The following FMNL2 variants were observed in gnomAD, a reference collection of about 807,000 sequenced individuals.
FMNL2 encodes formin like 2.
FMNL2 carries 51 observed loss-of-function variants against 130.2 expected under a neutral mutation model. That is an observed-to-expected ratio of 0.39 (90% CI 0.31 to 0.49). The LOEUF (loss-of-function observed/expected upper bound fraction) is 0.49, where lower values mean the gene tolerates loss of function less well. Among genes scored for constraint, FMNL2 ranks in the 20% least tolerant of loss-of-function variants. The pLI, the probability that FMNL2 is intolerant of heterozygous loss-of-function variation, is 0.85. For synonymous variants in FMNL2, 465 were observed against 467.1 expected (o/e 1.00, Z 0.06); for missense variants, 977 against 1,316.2 (o/e 0.74, Z 3.99).
intron 1 of FMNL2, among the ~76,000 whole-genome samples, chr2:152,371,330 T>C (rs1683860679): frequency 6.6e-6 from 1 of 151,704 alleles, no homozygotes. Flanking sequence ...TCTCTAATGT[T>C]GTCAGTGCTA....
intron 12 of FMNL2, 53 bp from the exon 13 acceptor site, chr2:152,617,038 G>A (rs75766511): frequency 1.3e-6 from 2 of 1,507,646 alleles, no homozygotes; most frequent in South Asian, 1.1e-5. Flanking sequence ...GAGAACTGAG[G>A]GCTGATCAAG....
intron 9 of FMNL2, among the ~76,000 whole-genome samples, chr2:152,605,121 C>G (rs1388195047): frequency 6.6e-6 from 1 of 151,712 alleles, no homozygotes; most frequent in African/African-American, 2.4e-5. Flanking sequence ...TCTAGGGGGG[C>G]CAGCTGAGGA....
intron 1 of FMNL2, among the ~76,000 whole-genome samples, chr2:152,346,242 C>G (rs1682116032): frequency 6.6e-6 from 1 of 152,112 alleles, no homozygotes; most frequent in African/African-American, 2.4e-5. Flanking sequence ...CCAAGCTGCT[C>G]TTGAACTCCC....
At chr2:152,521,472 T>C (rs13427485) in intron 1 of FMNL2, among the ~76,000 whole-genome samples, 88,137 of 151,474 alleles carry the variant, frequency 0.58, 25,861 homozygotes, top group Non-Finnish European at 0.63. Context: ...ATAGTTGCAT[T>C]GTTGTCTTTT....
chr2:152,469,123 TC>T (rs1689719393), intron 1 of FMNL2, among the ~76,000 whole-genome samples: 1 of 152,228 alleles, frequency 6.6e-6, no homozygotes, highest in African/African-American at 2.4e-5. Flanking sequence ...CGCTGTTGAT[TC>T]GTTTTTCTTC....
rs796954245 is a variant in FMNL2, at chr2:152,375,877, C to CTCTATATATATATA, written c.117+40158_117+40159insCTATATATATATAT. On this transcript the variant is annotated intron_variant, in intron 1 of 25. Coordinates refer to ENST00000288670, the MANE Select transcript of FMNL2 (RefSeq NM_052905.4). ...TCTCTCTCTCTCTCTCTCTCTCTCT[C>CTCTATATATATATA]TATATATATATATATATATAATTAT... Among the ~76,000 whole-genome samples, 110 of 112,450 alleles carry CTCTATATATATATA rather than the reference C, an allele frequency of 9.8e-4. 1 individual carries two copies. The highest frequency in any genetic ancestry group is 7.0e-3 in the Admixed American group (68 of 9,776). 73.8% of individuals were successfully genotyped at this position (112,450 alleles called of 152,430 possible). A position where few individuals can be genotyped will look rare whatever the true frequency, so the allele number is the denominator to read the frequency against.
At chr2:152,375,896 T>TATATATATAA (rs1553871971) in intron 1 of FMNL2, among the ~76,000 whole-genome samples, 3 of 143,688 alleles carry the variant, frequency 2.1e-5, no homozygotes, top group East Asian at 2.0e-4. Context: ...TATATATATA[T>TATATATATAA]AATTATTATT....
rs556111799 is a variant in FMNL2, at chr2:152,414,789, ATTC to A, written c.117+79075_117+79077del. On this transcript the variant is annotated intron_variant, in intron 1 of 25. Transcript: ENST00000288670. ...TAGCTGTTTCTTTTGGATGAAGATG[ATTC>A]TTCTTTTCCTAACTCTGAGGTTGCC... is the stretch of plus-strand genomic sequence containing the variant. Among the ~76,000 whole-genome samples, 1,426 of 152,262 alleles carry A rather than the reference ATTC, an allele frequency of 9.4e-3. 9 individuals are homozygous for A. Among genetic ancestry groups the A allele is most frequent in the Non-Finnish European group, 0.015 (1,049 of 68,028 alleles).
chr2:152,344,877 G>A (rs1234388544), intron 1 of FMNL2, among the ~76,000 whole-genome samples: 2 of 152,096 alleles, frequency 1.3e-5, no homozygotes, highest in Non-Finnish European at 2.9e-5. Flanking sequence ...CTATAATCAA[G>A]GCAAATTGGC....
At chr2:152,388,387 C>T (rs768489448) in intron 1 of FMNL2, among the ~76,000 whole-genome samples, 66 of 152,202 alleles carry the variant, frequency 4.3e-4, no homozygotes, top group Non-Finnish European at 7.2e-4. Flanking sequence ...GGGAAGCAAA[C>T]GCGTCCTTCT....
At chr2:152,547,691 C>T (rs1401336320) in intron 3 of FMNL2, among the ~76,000 whole-genome samples, 7 of 152,218 alleles carry the variant, frequency 4.6e-5, no homozygotes, top group Admixed American at 4.6e-4. Flanking sequence ...TCCTTACTTC[C>T]ATCCTCCTTC....
chr2:152,589,981 A>ATATATATATATGTATATG (rs1553482691), intron 9 of FMNL2, among the ~76,000 whole-genome samples: 21 of 42,448 alleles, frequency 4.9e-4, no homozygotes, highest in South Asian at 1.8e-3. Flanking sequence ...ATATATATAT[A>ATATATATATATGTATATG]TATGTATATG....
chr2:152,644,063 T>G (rs1157023065), intron 25 of FMNL2: 2 of 228,388 alleles, frequency 8.8e-6, no homozygotes, highest in Non-Finnish European at 1.4e-5. Flanking sequence ...AGCCCCATCT[T>G]TACAAAAATC....
chr2:152,549,592 A>G (rs2105532136), intron 4 of FMNL2, among the ~76,000 whole-genome samples: 2 of 152,318 alleles, frequency 1.3e-5, no homozygotes, highest in South Asian at 4.1e-4. Context: ...TTTTTCATAC[A>G]TCTCAAAACC....
intron 6 of FMNL2, among the ~76,000 whole-genome samples, chr2:152,561,319 G>A (rs1695509891): frequency 6.6e-6 from 1 of 152,068 alleles, no homozygotes; most frequent in South Asian, 2.1e-4. Context: ...AGGCAGATAA[G>A]GTTTTGAAAC....
chr2:152,432,893 A>G (rs1687573071), intron 1 of FMNL2, among the ~76,000 whole-genome samples: 1 of 152,236 alleles, frequency 6.6e-6, no homozygotes, highest in Admixed American at 6.5e-5. Flanking sequence ...GAGAAGCTCC[A>G]GGATTCATTT....
chr2:152,445,925 CAA>C (rs965337938), intron 1 of FMNL2, among the ~76,000 whole-genome samples: 2 of 152,140 alleles, frequency 1.3e-5, no homozygotes, highest in Non-Finnish European at 2.9e-5. Flanking sequence ...TTCTTTTTTC[CAA>C]AAACATTACA....
At chr2:152,615,054 C>A in intron 12 of FMNL2, 54 bp downstream of exon 12, 1 of 1,584,184 alleles carries the variant, frequency 6.3e-7, no homozygotes, top group Non-Finnish European at 8.6e-7. Context: ...GGTTGCAAAG[C>A]AGAATTAATG....
intron 9 of FMNL2, among the ~76,000 whole-genome samples, chr2:152,583,247 A>G (rs982301537): frequency 6.6e-6 from 1 of 152,216 alleles, no homozygotes; most frequent in African/African-American, 2.4e-5. Flanking sequence ...GTAGGTCTTC[A>G]GGTACTGTCC....
Sources: allele counts gnomAD v4.1 joint callset (sites outside exome capture counted in the v4.1 genomes callset), GRCh38; gene constraint gnomAD v4.1.1; transcripts MANE v1.5; gene names NCBI Gene and HGNC (gene_info 2026-07-23, HGNC 2026-07-21).